The following SNX25 variants were observed in gnomAD, a reference collection of about 807,000 sequenced individuals.
The protein encoded by SNX25 is sorting nexin 25, also known as sorting nexin-25.
A neutral mutation model predicts 113.7 loss-of-function variants in SNX25; 62 were observed. The ratio of observed to expected loss-of-function variants is 0.55; its 90% CI spans 0.44 to 0.67. SNX25 has a LOEUF of 0.67. SNX25 is among the 30% of genes least tolerant of loss of function. The pLI, the probability that SNX25 is intolerant of heterozygous loss-of-function variation, is 0.00. For missense variants in SNX25, 1,014 were observed against 1,161.0 expected, an observed-to-expected ratio of 0.87 and a Z score of 1.84; for synonymous variants, 421 against 436.2, an observed-to-expected ratio of 0.97 and a Z score of 0.43.
intron 11 of SNX25, among the ~76,000 whole-genome samples, chr4:185,341,058 C>T (rs1405555215): frequency 6.6e-6 from 1 of 152,168 alleles, no homozygotes; most frequent in Non-Finnish European, 1.5e-5. Context: ...CAGTAAACCT[C>T]TCATCTCTTT....
At chr4:185,261,279 G>T (rs1215544448) in intron 3 of SNX25, among the ~76,000 whole-genome samples, 3 of 152,136 alleles carry the variant, frequency 2.0e-5, no homozygotes, top group Non-Finnish European at 1.5e-5. Context: ...TCTGGTTCAA[G>T]AATTCTTGTG....
chr4:185,327,765 C>T (rs533304152), intron 9 of SNX25, among the ~76,000 whole-genome samples: 1 of 152,136 alleles, frequency 6.6e-6, no homozygotes, highest in African/African-American at 2.4e-5. Flanking sequence ...TTAAATAGTT[C>T]AAGATGTAGT....
chr4:185,288,298 AC>A (rs1227682153), intron 6 of SNX25, among the ~76,000 whole-genome samples: 10 of 152,326 alleles, frequency 6.6e-5, no homozygotes, highest in Admixed American at 1.3e-4. Flanking sequence ...TCCCGTATAA[AC>A]TTTATTCAGC....
intron 16 of SNX25, among the ~76,000 whole-genome samples, chr4:185,360,833 C>T (rs978586413): frequency 2.6e-5 from 4 of 151,772 alleles, no homozygotes; most frequent in African/African-American, 4.8e-5. Context: ...GCAGGAGAAT[C>T]GCTTGAACCC....
At chr4:185,286,362 C>T (rs999132857) in intron 5 of SNX25, among the ~76,000 whole-genome samples, 3 of 152,146 alleles carry the variant, frequency 2.0e-5, no homozygotes, top group East Asian at 3.9e-4. Context: ...AATCCTCCCT[C>T]GGCTTCCTAA....
At chr4:185,347,337 G>A (rs1393258591) in intron 13 of SNX25, among the ~76,000 whole-genome samples, 1 of 152,152 alleles carries the variant, frequency 6.6e-6, no homozygotes, top group Non-Finnish European at 1.5e-5. Flanking sequence ...CCAGCAGTGT[G>A]TAAGGGTTCT....
At chr4:185,261,613 A>T (rs1176242588) in intron 3 of SNX25, among the ~76,000 whole-genome samples, 1 of 152,216 alleles carries the variant, frequency 6.6e-6, no homozygotes, top group African/African-American at 2.4e-5. Context: ...TTTCATCCAG[A>T]CATTTACTAG....
At chr4:185,378,472 A>T in the SNX25 span, 6 of 1,203,708 alleles carry the variant, frequency 5.0e-6, no homozygotes, top group Non-Finnish European at 6.2e-6. Context: ...CTGTCTGGCT[A>T]TGGGTTTATA....
chr4:185,361,234 G>A (rs2126759984), intron 16 of SNX25, among the ~76,000 whole-genome samples: 1 of 152,256 alleles, frequency 6.6e-6, no homozygotes, highest in South Asian at 2.1e-4. Flanking sequence ...CGGAACTTCA[G>A]GACCTCAGGG....
At chr4:185,251,981 A>G (rs768896638) in intron 2 of SNX25, among the ~76,000 whole-genome samples, 2 of 151,510 alleles carry the variant, frequency 1.3e-5, no homozygotes, top group Non-Finnish European at 2.9e-5. Flanking sequence ...TTTTTTTTTA[A>G]CCACATTCTT....
At chr4:185,227,168 C>T (rs1741134017) in intron 1 of SNX25, among the ~76,000 whole-genome samples, 1 of 152,236 alleles carries the variant, frequency 6.6e-6, no homozygotes, top group Admixed American at 6.5e-5. Context: ...GCAGTGTTCC[C>T]CTCACATCTT....
intron 5 of SNX25, among the ~76,000 whole-genome samples, chr4:185,269,014 T>A (rs1227294530): frequency 1.3e-5 from 2 of 152,196 alleles, no homozygotes; most frequent in Non-Finnish European, 2.9e-5. Context: ...ATAGACTACA[T>A]GATATTCTTT....
chr4:185,338,804 T>C (rs2095245574), intron 10 of SNX25, among the ~76,000 whole-genome samples: 1 of 152,208 alleles, frequency 6.6e-6, no homozygotes, highest in African/African-American at 2.4e-5. Context: ...ATATTATTTC[T>C]GGGCTATATT....
chr4:185,223,069 A>G (rs879691056), intron 1 of SNX25, among the ~76,000 whole-genome samples: 1 of 152,168 alleles, frequency 6.6e-6, no homozygotes, highest in Non-Finnish European at 1.5e-5. Flanking sequence ...AGATGTATAG[A>G]TGGATGAATG....
intron 1 of SNX25, among the ~76,000 whole-genome samples, chr4:185,246,477 A>G (rs2126482972): frequency 6.6e-6 from 1 of 152,286 alleles, no homozygotes; most frequent in East Asian, 1.9e-4. Context: ...GCATTCCTCT[A>G]ATAAAAAAGG....
chr4:185,247,320 G>A lies in SNX25; in HGVS notation c.456G>A (p.Glu152=). The change falls in exon 2 of 19, where the codon GAG becomes GAA. Residue 152 remains glutamate, a synonymous_variant. Transcript: ENST00000652585. ...PGSPVYGNSH[E]SAQSRRVVIS... ...GTCCTGTGTATGGAAACTCACATGA[G>A]TCAGCTCAGTCTAGAAGGGTAGTAA... 6.2e-7 allele frequency: 1 copy of A among 1,608,576 alleles called. No homozygotes were observed.
chr4:185,367,550 C>A (rs1424998523), downstream of SNX25, among the ~76,000 whole-genome samples: 2 of 152,116 alleles, frequency 1.3e-5, no homozygotes, highest in Admixed American at 1.3e-4. Context: ...AAATGGAGAG[C>A]ATTAACATTT....
intron 6 of SNX25, among the ~76,000 whole-genome samples, chr4:185,291,471 T>C (rs1393004136): frequency 6.6e-6 from 1 of 152,212 alleles, no homozygotes; most frequent in Non-Finnish European, 1.5e-5. Flanking sequence ...TTTAAAAGGT[T>C]CTTCTGTCTC....
Position 185,210,611 on chromosome 4 carries a change from A to G in SNX25, c.429+356A>G, listed in dbSNP as rs1177369718. On this transcript the variant is annotated intron_variant, in intron 1 of 18. Coordinates refer to ENST00000652585, the MANE Select transcript of SNX25 (RefSeq NM_001378034.2). This position sits in a 1 kb window ranked among gnomAD's most constrained non-coding sequence, Gnocchi z 4.4. ...GGGAATCACAGCGTTCGCTACGTGC[A>G]GGCTCTGCGCACGGTCCTGGCGATC... 1.3e-5 allele frequency among the ~76,000 whole-genome samples: 2 copies of G among 151,316 alleles called. No individual in the cohort carries two copies. Among genetic ancestry groups the G allele is most frequent in the African/African-American group, 4.9e-5 (2 of 41,102 alleles).
Sources: allele counts gnomAD v4.1 joint callset (sites outside exome capture counted in the v4.1 genomes callset), GRCh38; gene constraint gnomAD v4.1.1; non-coding constraint Gnocchi (gnomAD v3.1); transcripts MANE v1.5; gene names NCBI Gene and HGNC (gene_info 2026-07-23, HGNC 2026-07-21).